Variants in CTNNA2 observed in about 807,000 individuals in gnomAD.
The protein encoded by CTNNA2 is catenin alpha 2.
A neutral mutation model predicts 101.0 loss-of-function variants in CTNNA2; 42 were observed. That is an observed-to-expected ratio of 0.42 (90% CI 0.32 to 0.54). CTNNA2 has a LOEUF of 0.54. Ranked by LOEUF, CTNNA2 falls within the 20% of genes least tolerant of loss-of-function variation. CTNNA2 has a pLI of 0.14. For missense variants in CTNNA2, 871 were observed against 1,223.1 expected (o/e 0.71, Z 4.29); for synonymous variants, 450 against 456.4 (o/e 0.99, Z 0.18).
chr2:79,914,784 TTTTCAAGCCTC>T (rs1378194584), intron 7 of CTNNA2, among the ~76,000 whole-genome samples: 13 of 152,164 alleles, frequency 8.5e-5, no homozygotes, highest in Non-Finnish European at 1.3e-4. Flanking sequence ...ATCCAACTTT[TTTTCAAGCCTC>T]TTGAAGCATC....
At chr2:79,257,854 G>A (rs1182667120) in intron 2 of CTNNA2, among the ~76,000 whole-genome samples, 1 of 151,588 alleles carries the variant, frequency 6.6e-6, no homozygotes, top group Non-Finnish European at 1.5e-5. Flanking sequence ...TGGAAAGCTA[G>A]AAATCCAAAA....
chr2:79,716,513 G>A (rs78743945), intron 2 of CTNNA2, among the ~76,000 whole-genome samples: 4,213 of 152,192 alleles, frequency 0.028, 81 homozygotes, highest in Middle Eastern at 0.044. Context: ...TGTTGTCCAT[G>A]TGTTCTCATC....
chr2:80,057,395 G>T (rs1697292353), intron 7 of CTNNA2, among the ~76,000 whole-genome samples: 1 of 152,158 alleles, frequency 6.6e-6, no homozygotes, highest in Admixed American at 6.5e-5. Context: ...GATGGAACAT[G>T]TATGCTTTTG....
At chr2:79,541,418 GCA>G (rs140370503) in intron 1 of CTNNA2, among the ~76,000 whole-genome samples, 6 of 48,316 alleles carry the variant, frequency 1.2e-4, no homozygotes, top group South Asian at 7.2e-4. Flanking sequence ...ATACACACAC[GCA>G]CACACACATA....
intron 3 of CTNNA2, among the ~76,000 whole-genome samples, chr2:79,820,925 GGTT>G (rs1677947886): frequency 6.6e-6 from 1 of 152,006 alleles, no homozygotes; most frequent in South Asian, 2.1e-4. Flanking sequence ...AATTTTTAAT[GGTT>G]GTTGTCTTTT....
chr2:80,033,810 G>A (rs1452446204), intron 7 of CTNNA2, among the ~76,000 whole-genome samples: 3 of 152,030 alleles, frequency 2.0e-5, no homozygotes, highest in Admixed American at 2.0e-4. Context: ...AATGCATATG[G>A]AAATTCAGTG....
chr2:79,190,186 T>C (rs756800476), intron 1 of CTNNA2, among the ~76,000 whole-genome samples: 4 of 152,040 alleles, frequency 2.6e-5, no homozygotes, highest in African/African-American at 9.7e-5. Flanking sequence ...GTTCCAAATA[T>C]GTCAATTAAG....
chr2:79,919,235 G>C (rs1050258389), intron 7 of CTNNA2, among the ~76,000 whole-genome samples: 4 of 152,124 alleles, frequency 2.6e-5, no homozygotes, highest in African/African-American at 9.7e-5. Context: ...GCAACCCTGT[G>C]GTTGGGTATC....
intron 3 of CTNNA2, among the ~76,000 whole-genome samples, chr2:79,790,345 G>C (rs574992265): frequency 6.6e-6 from 1 of 152,136 alleles, no homozygotes; most frequent in Non-Finnish European, 1.5e-5. Flanking sequence ...GTCAAAGGAC[G>C]CAGAAAGGGT....
At chr2:79,997,626 T>G (rs1692651606) in intron 7 of CTNNA2, among the ~76,000 whole-genome samples, 1 of 152,140 alleles carries the variant, frequency 6.6e-6, no homozygotes, top group South Asian at 2.1e-4. Context: ...TTTCCCTCTC[T>G]GCGTATACAA....
intron 7 of CTNNA2, among the ~76,000 whole-genome samples, chr2:80,006,371 A>G (rs1389468379): frequency 6.6e-6 from 1 of 151,654 alleles, no homozygotes; most frequent in Non-Finnish European, 1.5e-5. Flanking sequence ...AAAAAAAAAA[A>G]AAAGAAAAAA....
chr2:79,432,614 T>A (rs1214729125), intron 4 of CTNNA2, among the ~76,000 whole-genome samples: 2 of 152,196 alleles, frequency 1.3e-5, no homozygotes, highest in Non-Finnish European at 2.9e-5. Context: ...ATCAGTGAGA[T>A]ACCACAAGGG....
rs148183700 is a variant in CTNNA2 at position 80,612,058 on chromosome 2, C to G, written c.2430+3740C>G. On this transcript the variant is annotated intron_variant, in intron 17 of 18. Transcript: ENST00000402739. ...TGGGCTGAATGAATGGATTACTGAC[C>G]TATTCCTGAGAGATTGAGAAGCTTG... Among the ~76,000 whole-genome samples the G allele has an allele frequency of 1.8e-3, 268 of 151,574 alleles. 5 individuals carry two copies. Among genetic ancestry groups the G allele is most frequent in the East Asian group, 2.9e-3 (15 of 5,122 alleles).
chr2:80,102,263 G>T (rs1368422517), intron 7 of CTNNA2, among the ~76,000 whole-genome samples: 3 of 152,158 alleles, frequency 2.0e-5, no homozygotes, highest in African/African-American at 7.2e-5. Context: ...CTCTGAGTGT[G>T]TCTTGACTCA....
chr2:79,325,429 CT>C (rs1558626973), intron 3 of CTNNA2, among the ~76,000 whole-genome samples: 1 of 152,168 alleles, frequency 6.6e-6, no homozygotes, highest in Non-Finnish European at 1.5e-5. Context: ...TCATTGTTTT[CT>C]TCAAATAGCA....
chr2:79,974,673 C>T (rs939919598), intron 7 of CTNNA2, among the ~76,000 whole-genome samples: 3 of 152,126 alleles, frequency 2.0e-5, no homozygotes, highest in African/African-American at 7.2e-5. Flanking sequence ...AAGGGTCAGG[C>T]ACTCTTCTAG....
chr2:79,890,003 C>T (rs975043119), intron 6 of CTNNA2, among the ~76,000 whole-genome samples: 7 of 152,158 alleles, frequency 4.6e-5, no homozygotes, highest in African/African-American at 1.4e-4. Context: ...TGATTCTTAA[C>T]GTGAGACCTA....
At position 80,303,653 on chromosome 2, in the gene CTNNA2, T is replaced by G. The variant is rs762132538; in HGVS notation, c.1057-89558T>G. 2 of 1,612,906 alleles carry G rather than the reference T, an allele frequency of 1.2e-6. No individual in the cohort carries two copies. The highest frequency in any genetic ancestry group is 2.7e-5 in the African/African-American group (2 of 74,836). On this transcript the variant is annotated intron_variant, in intron 7 of 18. Transcript: ENST00000402739. The surrounding 1 kb of genome is among the most constrained non-coding windows in gnomAD (Gnocchi z 7.7). ...CAGGTTGTGGGGCGCCTCGGTGAGG[T>G]TGAGCGCCTCGCAGTACAGCAGCCG...
At chr2:80,538,525 A>G (rs1441786434) in intron 9 of CTNNA2, among the ~76,000 whole-genome samples, 1 of 152,160 alleles carries the variant, frequency 6.6e-6, no homozygotes, top group Non-Finnish European at 1.5e-5. Flanking sequence ...GTCAAAGATC[A>G]GATGGTTATA....
Sources: gnomAD v4.1 joint callset for allele counts (sites outside exome capture counted in the v4.1 genomes callset) on GRCh38, gnomAD v4.1.1 for gene constraint, Gnocchi (gnomAD v3.1) non-coding constraint, MANE v1.5 for transcripts, NCBI Gene and HGNC (gene_info 2026-07-23, HGNC 2026-07-21) for gene names.